AK5: variants seen among roughly 807,000 people sequenced by gnomAD.
AK5 encodes the protein adenylate kinase isoenzyme 5.
Under a neutral mutation model 69.5 loss-of-function variants are expected in AK5, and 27 were observed. The observed-to-expected ratio is 0.39, with a 90% CI of 0.29 to 0.54. The LOEUF is 0.54. Among genes scored for constraint, AK5 ranks in the 20% least tolerant of loss-of-function variants. AK5 has a pLI of 0.71. For missense variants in AK5, 531 were observed against 700.4 expected (o/e 0.76, Z 2.73); for synonymous variants, 260 against 244.4 (o/e 1.06, Z -0.60).
At chr1:77,445,258 A>G (rs1032048448) in intron 8 of AK5, among the ~76,000 whole-genome samples, 22 of 152,188 alleles carry the variant, frequency 1.4e-4, no homozygotes, top group African/African-American at 5.3e-4. Context: ...ACAGTATACA[A>G]AAGTATTCCC....
intron 6 of AK5, among the ~76,000 whole-genome samples, chr1:77,370,856 G>C (rs142377107): frequency 6.2e-4 from 95 of 152,288 alleles, no homozygotes; most frequent in African/African-American, 2.1e-3. Flanking sequence ...TTCCAGACAG[G>C]CCAGGGCCTC....
chr1:77,324,126 A>T (rs568270383), intron 5 of AK5, among the ~76,000 whole-genome samples: 1 of 152,324 alleles, frequency 6.6e-6, no homozygotes, highest in Admixed American at 6.5e-5. Context: ...GAGCCTTGGC[A>T]ATCTACCCAT....
chr1:77,405,403 T>G (rs1557565999), intron 6 of AK5, among the ~76,000 whole-genome samples: 2 of 152,244 alleles, frequency 1.3e-5, no homozygotes, highest in African/African-American at 4.8e-5. Context: ...CCCCTTGGCC[T>G]CGGTTGCTTC....
intron 13 of AK5, among the ~76,000 whole-genome samples, chr1:77,544,966 G>A (rs1659467693): frequency 6.6e-6 from 1 of 152,200 alleles, no homozygotes; most frequent in Admixed American, 6.5e-5. Context: ...CCACAAACAT[G>A]TGAGTAATCC....
chr1:77,542,057 G>A (rs188325247), intron 13 of AK5, among the ~76,000 whole-genome samples: 8 of 152,258 alleles, frequency 5.3e-5, no homozygotes, highest in Admixed American at 4.6e-4. Flanking sequence ...GGCCAGGCAC[G>A]GTGGCTCACA....
chr1:77,366,454 A>G (rs1176308282), intron 6 of AK5, among the ~76,000 whole-genome samples: 1 of 152,200 alleles, frequency 6.6e-6, no homozygotes, highest in African/African-American at 2.4e-5. Flanking sequence ...ATATTTATAG[A>G]GATAAAATAA....
intron 8 of AK5, among the ~76,000 whole-genome samples, chr1:77,446,085 C>G (rs1652734356): frequency 6.6e-6 from 1 of 152,062 alleles, no homozygotes; most frequent in Non-Finnish European, 1.5e-5. Context: ...GGTCTCTTAT[C>G]CATTTTGAGT....
intron 12 of AK5, among the ~76,000 whole-genome samples, chr1:77,533,604 A>G (rs1485660599): frequency 6.6e-6 from 1 of 151,488 alleles, no homozygotes; most frequent in South Asian, 2.1e-4. Context: ...TCCAAATGAC[A>G]TGCTGCTGGT....
chr1:77,531,829 T>C (rs1199385710), intron 12 of AK5, among the ~76,000 whole-genome samples: 2 of 100,206 alleles, frequency 2.0e-5, no homozygotes, highest in Admixed American at 2.8e-4. Flanking sequence ...GGGAGGCTGG[T>C]GCCGCGCAGG....
chr1:77,418,065 GCT>G (rs1446663194), intron 8 of AK5, among the ~76,000 whole-genome samples: 1 of 152,114 alleles, frequency 6.6e-6, no homozygotes, highest in Non-Finnish European at 1.5e-5. Context: ...CAGGTTCAGG[GCT>G]CTGCTATTTT....
At chr1:77,437,021 G>C in intron 8 of AK5, among the ~76,000 whole-genome samples, 1 of 152,118 alleles carries the variant, frequency 6.6e-6, no homozygotes, top group East Asian at 1.9e-4. Flanking sequence ...TGACATTCAT[G>C]TCAAACACTG....
intron 6 of AK5, among the ~76,000 whole-genome samples, chr1:77,400,696 T>C (rs969033389): frequency 2.6e-5 from 4 of 152,172 alleles, no homozygotes; most frequent in African/African-American, 9.7e-5. Context: ...AAACAGTTCA[T>C]AAATATCACA....
chr1:77,314,834 T>C (rs1000486869), intron 5 of AK5: 2 of 152,138 alleles, frequency 1.3e-5, no homozygotes, highest in Admixed American at 6.5e-5. Context: ...GTAAGGTCCA[T>C]AGTATTCCAG....
chr1:77,437,506 G>A (rs1652024683), intron 8 of AK5, among the ~76,000 whole-genome samples: 1 of 152,090 alleles, frequency 6.6e-6, no homozygotes, highest in Admixed American at 6.5e-5. Context: ...TGCCCTGATA[G>A]GTGATCTTAT....
At chr1:77,543,733 T>C (rs1449085720) in intron 13 of AK5, among the ~76,000 whole-genome samples, 2 of 152,142 alleles carry the variant, frequency 1.3e-5, no homozygotes, top group African/African-American at 4.8e-5. Context: ...GTGACTATTC[T>C]CATTTATGGG....
intron 5 of AK5, among the ~76,000 whole-genome samples, chr1:77,298,297 T>C (rs1659125700): frequency 6.6e-6 from 1 of 152,182 alleles, no homozygotes; most frequent in Non-Finnish European, 1.5e-5. Context: ...AACATTACCC[T>C]GTACTTATAT....
At chr1:77,553,613 C>T (rs1269923783) in intron 13 of AK5, among the ~76,000 whole-genome samples, 1 of 152,190 alleles carries the variant, frequency 6.6e-6, no homozygotes, top group African/African-American at 2.4e-5. Flanking sequence ...GAAGAACTTA[C>T]ATTATGCACA....
intron 6 of AK5, among the ~76,000 whole-genome samples, chr1:77,408,856 A>C (rs1649836633): frequency 6.6e-6 from 1 of 152,090 alleles, no homozygotes; most frequent in Admixed American, 6.5e-5. Flanking sequence ...TTATTTCATC[A>C]CCCAGGTATT....
In AK5 at chr1:77,368,239, A is replaced by G. The variant is rs865868238; in HGVS notation, c.891+27671A>G. ...ACTATATATATATATATATATATAT[A>G]TATATATATATATAATATATATGTT... On this transcript the variant is annotated intron_variant, in intron 6 of 13. Transcript: ENST00000354567. Among the ~76,000 whole-genome samples, 14 of 16,196 alleles carry G rather than the reference A, an allele frequency of 8.6e-4. 1 individual carries two copies. The highest frequency in any genetic ancestry group is 2.0e-3 in the African/African-American group (10 of 4,942). 10.6% of individuals were successfully genotyped at this position (16,196 alleles called of 152,430 possible). A position where few individuals can be genotyped will look rare whatever the true frequency, so the allele number is the denominator to read the frequency against.
Sources: allele counts gnomAD v4.1 joint callset (sites outside exome capture counted in the v4.1 genomes callset), GRCh38; gene constraint gnomAD v4.1.1; transcripts MANE v1.5; gene names NCBI Gene and HGNC (gene_info 2026-07-23, HGNC 2026-07-21).